OTOGL: variants seen among roughly 807,000 people sequenced by gnomAD.
OTOGL encodes otogelin like.
In OTOGL, 285 loss-of-function variants were observed where a neutral mutation model predicts 318.5. That is an observed-to-expected ratio of 0.89 (90% CI 0.81 to 0.99). The LOEUF (loss-of-function observed/expected upper bound fraction) is 0.99. Ranked by LOEUF, OTOGL falls within the 50% of genes least tolerant of loss-of-function variation. The pLI is 0.00. For missense variants in OTOGL, 2,899 were observed against 2,845.6 expected, an observed-to-expected ratio of 1.02 and a Z score of -0.43; for synonymous variants, 987 against 936.5, an observed-to-expected ratio of 1.05 and a Z score of -0.99.
chr12:80,356,829 C>T lies in OTOGL; in HGVS notation c.5934C>T (p.Pro1978=), dbSNP rs1009297967. The stretch of plus-strand genomic sequence containing the variant: ...CAGAATGTGACCCATTGAAATGCCC[C>T]AGTATTTCAACACCAGAATGCAGAG... ...YKCECDPLKC[P]SISTPECRED... is the part of the protein sequence containing the mutation. The change falls in exon 49 of 59, where the codon CCC becomes CCT. Residue 1978 remains proline, a synonymous_variant. Transcript: ENST00000547103. The T allele has an allele frequency of 6.3e-7, 1 of 1,591,634 alleles. No homozygotes were observed. Among genetic ancestry groups the T allele is most frequent in the Non-Finnish European group, 8.6e-7 (1 of 1,169,580 alleles).
chr12:80,107,061 T>G (rs376765253), intron 1 of OTOGL, among the ~76,000 whole-genome samples: 8 of 152,140 alleles, frequency 5.3e-5, no homozygotes, highest in Admixed American at 2.6e-4. Context: ...CTGCCTGATA[T>G]TGACTGGGCT....
At chr12:80,215,033 A>G (rs1002876634) in intron 4 of OTOGL, among the ~76,000 whole-genome samples, 2 of 152,184 alleles carry the variant, frequency 1.3e-5, no homozygotes, top group Non-Finnish European at 2.9e-5. Flanking sequence ...TCTAATTTCC[A>G]TAAAGGAGAT....
Position 80,377,971 on chromosome 12 carries a change from C to T in OTOGL, c.6985C>T (p.Leu2329=), listed in dbSNP as rs1046338080. The T allele has an allele frequency of 1.1e-5, 17 of 1,606,272 alleles. No individual in the cohort carries two copies. Among genetic ancestry groups the T allele is most frequent in the Non-Finnish European group, 1.4e-5 (16 of 1,175,704 alleles). ...ENGVRNLSVP[L]YCSGNGTEIM... Reference sequence around the variant, plus strand: ...TGGAGTACGAAACTTGTCTGTGCCTCTGTATTGCTCAGGAAATGGCACTGA... The same window carrying T: ...TGGAGTACGAAACTTGTCTGTGCCTTTGTATTGCTCAGGAAATGGCACTGA... The change falls in exon 59 of 59, where the codon CTG becomes TTG. Residue 2329 remains leucine, a synonymous_variant. Transcript: ENST00000547103.
At chr12:80,358,832 T>G in intron 51 of OTOGL, 28 bp from the exon 52 acceptor site, 1 of 1,534,612 alleles carries the variant, frequency 6.5e-7, no homozygotes, top group Non-Finnish European at 8.8e-7. Flanking sequence ...TTTTGATCAA[T>G]GTAAATATGT....
intron 26 of OTOGL, among the ~76,000 whole-genome samples, chr12:80,289,708 A>G (rs1408940250): frequency 6.6e-6 from 1 of 152,136 alleles, no homozygotes; most frequent in African/African-American, 2.4e-5. Context: ...GGGGAAAACC[A>G]TCTACTCAAG....
At chr12:80,181,827 C>T (rs1426597461) in intron 1 of OTOGL, among the ~76,000 whole-genome samples, 1 of 152,056 alleles carries the variant, frequency 6.6e-6, no homozygotes, top group Non-Finnish European at 1.5e-5. Flanking sequence ...TCTCTTTCTC[C>T]TGAGCATTCT....
chr12:80,337,886 G>A (rs1888512849), intron 42 of OTOGL, among the ~76,000 whole-genome samples: 1 of 151,986 alleles, frequency 6.6e-6, no homozygotes, highest in Admixed American at 6.6e-5. Flanking sequence ...GATAGCATTT[G>A]CATATACCTT....
intron 1 of OTOGL, among the ~76,000 whole-genome samples, chr12:80,188,585 C>A (rs1007574047): frequency 6.6e-6 from 1 of 150,706 alleles, no homozygotes; most frequent in African/African-American, 2.4e-5. Context: ...AAAAGGTGAG[C>A]CTTCTCTTTA....
At chr12:80,176,763 A>G (rs1241719653) in intron 1 of OTOGL, among the ~76,000 whole-genome samples, 2 of 152,162 alleles carry the variant, frequency 1.3e-5, no homozygotes, top group Admixed American at 1.3e-4. Context: ...ACTTGGGTAT[A>G]GAATCATTGG....
intron 44 of OTOGL, among the ~76,000 whole-genome samples, chr12:80,351,290 GT>G (rs367974556): frequency 0.058 from 8,652 of 149,104 alleles, 323 homozygotes; most frequent in Middle Eastern, 0.15. Flanking sequence ...TTGCCATTGT[GT>G]TTTTTTTTTT....
rs138561295 is a variant in OTOGL at position 80,290,247 on chromosome 12, T to A, written c.2929-6580T>A. 2.1e-4 allele frequency among the ~76,000 whole-genome samples: 32 copies of A among 152,128 alleles called. 1 individual carries two copies. The East Asian group carries it at 6.0e-3, about 29-fold the overall frequency. ...CACTCTCTAACCAGTCCTAGAGAGATGAACTGGGTAACTCAGTTGGAAATG... is the reference window on the plus strand; with the variant it reads ...CACTCTCTAACCAGTCCTAGAGAGAAGAACTGGGTAACTCAGTTGGAAATG... On this transcript the variant is annotated intron_variant, in intron 26 of 58. Coordinates refer to ENST00000547103, the MANE Select transcript of OTOGL (RefSeq NM_001378609.3).
chr12:80,212,120 G>A, intron 4 of OTOGL, 123 bp downstream of exon 4: 3 of 1,000,044 alleles, frequency 3.0e-6, no homozygotes, highest in South Asian at 1.7e-5. Flanking sequence ...AAGACAGGAA[G>A]GAGGAGGAAG....
At chr12:80,209,735 TTTA>T (rs1877099325) in intron 2 of OTOGL, among the ~76,000 whole-genome samples, 1 of 152,146 alleles carries the variant, frequency 6.6e-6, no homozygotes, top group Non-Finnish European at 1.5e-5. Flanking sequence ...AAATCATGCT[TTTA>T]TTATGATATG....
intron 1 of OTOGL, among the ~76,000 whole-genome samples, chr12:80,175,069 A>G (rs1023938386): frequency 2.6e-5 from 4 of 152,214 alleles, no homozygotes; most frequent in Non-Finnish European, 5.9e-5. Context: ...CTGCAAAAGC[A>G]TAGAACACAC....
chr12:80,228,046 T>C (rs1318684303), intron 7 of OTOGL, among the ~76,000 whole-genome samples: 1 of 152,158 alleles, frequency 6.6e-6, no homozygotes, highest in Non-Finnish European at 1.5e-5. Flanking sequence ...GACTGCTCTA[T>C]CCCCAGTACC....
chr12:80,322,121 A>G (rs549854570), intron 34 of OTOGL, among the ~76,000 whole-genome samples: 2 of 152,270 alleles, frequency 1.3e-5, no homozygotes, highest in Non-Finnish European at 2.9e-5. Context: ...AACATTTTGC[A>G]GTTGTTTTGA....
At chr12:80,182,596 G>T (rs1343882537) in intron 1 of OTOGL, among the ~76,000 whole-genome samples, 1 of 152,170 alleles carries the variant, frequency 6.6e-6, no homozygotes, top group Non-Finnish European at 1.5e-5. Context: ...TAGAGAAGGA[G>T]GTAGCAGAGA....
chr12:80,253,426 A>G, intron 13 of OTOGL, 40 bp from the exon 14 acceptor site: 1 of 1,510,368 alleles, frequency 6.6e-7, no homozygotes. Context: ...AATCTTTATT[A>G]TTTCTTTTGA....
At chr12:80,181,335 C>CTCTA (rs1874906992) in intron 1 of OTOGL, among the ~76,000 whole-genome samples, 1 of 151,328 alleles carries the variant, frequency 6.6e-6, no homozygotes. Context: ...ATTTACTTCT[C>CTCTA]TCTCTCTCTC....
Sources: gnomAD v4.1 joint callset for allele counts (sites outside exome capture counted in the v4.1 genomes callset) on GRCh38, gnomAD v4.1.1 for gene constraint, MANE v1.5 for transcripts, NCBI Gene and HGNC (gene_info 2026-07-23, HGNC 2026-07-21) for gene names.